CDK14: variants seen among roughly 807,000 people sequenced by gnomAD.
CDK14 encodes cyclin-dependent kinase 14.
CDK14 carries 34 observed loss-of-function variants against 60.7 expected under a neutral mutation model. That is an observed-to-expected ratio of 0.56 (90% CI 0.43 to 0.75). The LOEUF is 0.75. Ranked by LOEUF, CDK14 falls within the 30% of genes least tolerant of loss-of-function variation. The pLI is 0.00. For missense variants in CDK14, 482 were observed against 564.1 expected (o/e 0.85, Z 1.47); for synonymous variants, 197 against 203.7 (o/e 0.97, Z 0.28).
intron 3 of CDK14, 33 bp from the exon 4 acceptor site, chr7:90,747,648 A>G (rs1294154900): frequency 1.6e-6 from 2 of 1,214,946 alleles, no homozygotes; most frequent in African/African-American, 3.1e-5. Flanking sequence ...ATTTGATACA[A>G]TCTGTTTTGT....
At chr7:91,056,565 C>A (rs930426852) in intron 11 of CDK14, among the ~76,000 whole-genome samples, 2 of 151,766 alleles carry the variant, frequency 1.3e-5, no homozygotes, top group Admixed American at 6.6e-5. Flanking sequence ...CGCCTCCCCC[C>A]ACCCCACAAC....
intron 14 of CDK14, among the ~76,000 whole-genome samples, chr7:91,188,599 A>G (rs1277483510): frequency 6.6e-6 from 1 of 152,136 alleles, no homozygotes; most frequent in Non-Finnish European, 1.5e-5. Context: ...AAATGTCACT[A>G]CTGTGTTATG....
At chr7:90,719,021 C>G (rs1179093762) in intron 2 of CDK14, among the ~76,000 whole-genome samples, 1 of 152,094 alleles carries the variant, frequency 6.6e-6, no homozygotes, top group African/African-American at 2.4e-5. Flanking sequence ...TGCTCAAAAA[C>G]TTATAAATGA....
chr7:90,692,717 T>C, intron 2 of CDK14: 1 of 914,980 alleles, frequency 1.1e-6, no homozygotes, highest in Non-Finnish European at 1.3e-6. Context: ...ATATATAATT[T>C]ATTTCCAAAG....
rs535003248 is a variant in CDK14, at chr7:90,920,894, A to G, written c.826+3170A>G. The stretch of plus-strand genomic sequence containing the variant: ...GAATTTGGAGACCCTTCAGCTTTAA[A>G]CAGTATACAGCTCTGAATTCCAGGT... On this transcript the variant is annotated intron_variant, in intron 8 of 14. Coordinates refer to ENST00000380050, the MANE Select transcript of CDK14 (RefSeq NM_001287135.2). Among the ~76,000 whole-genome samples the G allele has an allele frequency of 9.0e-4, 137 of 152,286 alleles. 2 individuals carry two copies. In the South Asian group the frequency reaches 0.027, roughly 30 times the overall value.
At chr7:90,811,075 C>T (rs1789082157) in intron 5 of CDK14, among the ~76,000 whole-genome samples, 2 of 152,216 alleles carry the variant, frequency 1.3e-5, no homozygotes. Context: ...CCATCCCCAT[C>T]AAGCTACCAA....
chr7:91,027,920 C>T (rs1442910380), intron 10 of CDK14, among the ~76,000 whole-genome samples: 1 of 55,484 alleles, frequency 1.8e-5, no homozygotes, highest in African/African-American at 8.5e-5. Flanking sequence ...GCCCTCCCCT[C>T]CCCTCCCCTC....
chr7:90,790,431 CCTTGCTTTGGTGGTATAAT>C, intron 4 of CDK14, 123 bp from the exon 5 acceptor site: 2 of 514,292 alleles, frequency 3.9e-6, no homozygotes, highest in Non-Finnish European at 6.9e-6. Context: ...CCAGCCGAAA[CCTTGCTTTGGTGGTATAAT>C]TGAATCACTG....
chr7:90,929,325 A>G (rs183847194), intron 8 of CDK14, among the ~76,000 whole-genome samples: 34 of 152,286 alleles, frequency 2.2e-4, no homozygotes, highest in Admixed American at 7.8e-4. Context: ...AGCTGTTCCT[A>G]TTCGGCCATC....
At chr7:91,029,458 T>C (rs1041956935) in intron 10 of CDK14, among the ~76,000 whole-genome samples, 1 of 152,092 alleles carries the variant, frequency 6.6e-6, no homozygotes, top group African/African-American at 2.4e-5. Flanking sequence ...GAGCATGGAA[T>C]GGTTTTCATT....
intron 5 of CDK14, among the ~76,000 whole-genome samples, chr7:90,799,156 T>C (rs1788540304): frequency 6.6e-6 from 1 of 152,136 alleles, no homozygotes. Context: ...TTTTCTTAGG[T>C]GAGAATTATG....
At chr7:90,670,727 A>G (rs528807941) in intron 2 of CDK14, among the ~76,000 whole-genome samples, 1 of 152,212 alleles carries the variant, frequency 6.6e-6, no homozygotes, top group South Asian at 2.1e-4. Flanking sequence ...GACAGCACCA[A>G]AACATAAGGA....
intron 2 of CDK14, among the ~76,000 whole-genome samples, chr7:90,629,896 G>A (rs760603155): frequency 4.6e-5 from 7 of 151,964 alleles, no homozygotes; most frequent in Non-Finnish European, 1.0e-4. Context: ...GCGTGGTGGC[G>A]TGCGCCTGTA....
chr7:90,941,662 C>G (rs1164198964), intron 8 of CDK14, among the ~76,000 whole-genome samples: 1 of 151,794 alleles, frequency 6.6e-6, no homozygotes, highest in Non-Finnish European at 1.5e-5. Context: ...CTATGTTGCC[C>G]AGGCTGGACT....
At chr7:90,819,156 T>C (rs557020352) in intron 5 of CDK14, among the ~76,000 whole-genome samples, 5 of 152,304 alleles carry the variant, frequency 3.3e-5, no homozygotes, top group African/African-American at 1.2e-4. Flanking sequence ...GAGCAATATA[T>C]GGCCTTTTCT....
intron 4 of CDK14, among the ~76,000 whole-genome samples, chr7:90,778,883 CCTTCCTTCCTTCCTT>C (rs1177470272): frequency 3.6e-4 from 41 of 112,650 alleles, no homozygotes; most frequent in Middle Eastern, 8.5e-3. Context: ...TTCCTTCCTT[CCTTCCTTCCTTCCTT>C]CTTTTCTCTC....
At chr7:90,903,049 C>T (rs1244789118) in intron 7 of CDK14, among the ~76,000 whole-genome samples, 1 of 152,028 alleles carries the variant, frequency 6.6e-6, no homozygotes, top group African/African-American at 2.4e-5. Flanking sequence ...CCATCTTACC[C>T]CAGTTAGGAT....
chr7:90,621,279 G>A lies in CDK14; in HGVS notation c.123+17030G>A, dbSNP rs76213984. On this transcript the variant is annotated intron_variant, in intron 2 of 14. Coordinates refer to ENST00000380050, the MANE Select transcript of CDK14 (RefSeq NM_001287135.2). ...TTTGCCTGCATTTGTACTGGCTCAT[G>A]TTTATTGTCTGGCAGGGGAAGCCCC... is the stretch of plus-strand genomic sequence containing the variant. Among the ~76,000 whole-genome samples the A allele has an allele frequency of 2.0e-5, 3 of 152,168 alleles. No homozygotes were observed. The East Asian group carries it at 5.8e-4, about 29-fold the overall frequency.
At chr7:90,880,268 G>A (rs897718458) in intron 6 of CDK14, among the ~76,000 whole-genome samples, 8 of 152,222 alleles carry the variant, frequency 5.3e-5, no homozygotes, top group African/African-American at 1.9e-4. Context: ...AGGCTGAACA[G>A]CTTGTTCCCA....
Sources: gnomAD v4.1 joint callset for allele counts (sites outside exome capture counted in the v4.1 genomes callset) on GRCh38, gnomAD v4.1.1 for gene constraint, MANE v1.5 for transcripts, NCBI Gene and HGNC (gene_info 2026-07-23, HGNC 2026-07-21) for gene names.